Variants in LOC128462377 observed in about 807,000 individuals in gnomAD.
the LOC128462377 span, among the ~76,000 whole-genome samples, chr16:89,364,706 T>A: frequency 3.3e-5 from 5 of 152,200 alleles, no homozygotes; most frequent in Middle Eastern, 3.2e-3. Flanking sequence ...TGGGCCACAT[T>A]CAAAGCTGCC....
the LOC128462377 span, among the ~76,000 whole-genome samples, chr16:89,351,974 G>A: frequency 7.9e-5 from 12 of 152,274 alleles, no homozygotes; most frequent in South Asian, 4.1e-4. Flanking sequence ...GCAGTGGTGC[G>A]ATCGTGGCTC....
At chr16:89,398,350 A>G in the LOC128462377 span, among the ~76,000 whole-genome samples, 3 of 88,822 alleles carry the variant, frequency 3.4e-5, no homozygotes, top group African/African-American at 1.2e-4. Flanking sequence ...TGACCTCAGC[A>G]CTCTAGGAGG....
the LOC128462377 span, chr16:89,403,787 G>A: frequency 1.3e-5 from 2 of 152,302 alleles, no homozygotes; most frequent in South Asian, 2.1e-4. Context: ...AAAAAAATTA[G>A]GCGGGTGTGG....
chr16:89,376,888 T>C, the LOC128462377 span, among the ~76,000 whole-genome samples: 1 of 152,204 alleles, frequency 6.6e-6, no homozygotes, highest in Admixed American at 6.5e-5. Context: ...GCAAATGCAG[T>C]AGGGTTTATG....
chr16:89,375,007 A>G, the LOC128462377 span, among the ~76,000 whole-genome samples: 5 of 152,166 alleles, frequency 3.3e-5, no homozygotes, highest in South Asian at 6.2e-4. Context: ...CATAAACTAT[A>G]CACAGATTAT....
At chr16:89,332,233 T>C in the LOC128462377 span, among the ~76,000 whole-genome samples, 1 of 152,228 alleles carries the variant, frequency 6.6e-6, no homozygotes, top group Admixed American at 6.5e-5. Context: ...TAAAGGATCA[T>C]TTTACAAGCA....
the LOC128462377 span, among the ~76,000 whole-genome samples, chr16:89,328,694 G>A: frequency 1.4e-5 from 2 of 147,328 alleles, no homozygotes; most frequent in African/African-American, 2.5e-5. Context: ...CCAGGAGCAC[G>A]GGCGAAATCA....
At chr16:89,351,247 AT>A in the LOC128462377 span, among the ~76,000 whole-genome samples, 2 of 152,168 alleles carry the variant, frequency 1.3e-5, no homozygotes, top group Non-Finnish European at 2.9e-5. Context: ...AAAGAATGAA[AT>A]TGAATGCCCA....
At chr16:89,333,310 G>A in the LOC128462377 span, among the ~76,000 whole-genome samples, 28 of 152,304 alleles carry the variant, frequency 1.8e-4, no homozygotes, top group Admixed American at 9.1e-4. Context: ...CTGCACCCCC[G>A]GGCTCAGCAT....
chr16:89,334,172 A>AAAAAAAG, the LOC128462377 span, among the ~76,000 whole-genome samples: 1 of 148,974 alleles, frequency 6.7e-6, no homozygotes, highest in African/African-American at 2.5e-5. Flanking sequence ...AAAAAAAAAA[A>AAAAAAAG]ACAGAGAGAG....
chr16:89,329,557 T>G, the LOC128462377 span, among the ~76,000 whole-genome samples: 2 of 152,076 alleles, frequency 1.3e-5, no homozygotes, highest in African/African-American at 2.4e-5. Flanking sequence ...CAATTGTAAT[T>G]CAATAAAGCT....
the LOC128462377 span, among the ~76,000 whole-genome samples, chr16:89,338,829 A>C: frequency 1.3e-5 from 2 of 152,134 alleles, no homozygotes; most frequent in Non-Finnish European, 2.9e-5. Flanking sequence ...CAGCCAGGCA[A>C]AACAATCATT....
the LOC128462377 span, among the ~76,000 whole-genome samples, chr16:89,365,155 T>G: frequency 1.3e-5 from 2 of 152,214 alleles, no homozygotes; most frequent in Admixed American, 1.3e-4. Flanking sequence ...ACTAGATGAT[T>G]AACTCAATTC....
At chr16:89,373,050 CT>C in the LOC128462377 span, 2 of 152,286 alleles carry the variant, frequency 1.3e-5, no homozygotes, top group African/African-American at 4.8e-5. Flanking sequence ...GTCACCGTTC[CT>C]CTGTCCCCAT....
At chr16:89,341,885 G>A in the LOC128462377 span, among the ~76,000 whole-genome samples, 7 of 143,416 alleles carry the variant, frequency 4.9e-5, no homozygotes, top group South Asian at 1.6e-3. Flanking sequence ...CCCACGGCAG[G>A]AGTGCTGCAC....
At chr16:89,323,032 C>T in the LOC128462377 span, 701 of 307,244 alleles carry the variant, frequency 2.3e-3, 6 homozygotes, top group African/African-American at 0.015. Flanking sequence ...TCTGTGGAGT[C>T]GGGTTTCGCC....
chr16:89,371,258 A>T, the LOC128462377 span, among the ~76,000 whole-genome samples: 1 of 152,232 alleles, frequency 6.6e-6, no homozygotes, highest in African/African-American at 2.4e-5. Context: ...ACCTACACAG[A>T]GAGGCAGGTT....
chr16:89,409,155 T>A, the LOC128462377 span, among the ~76,000 whole-genome samples: 1 of 152,162 alleles, frequency 6.6e-6, no homozygotes, highest in Non-Finnish European at 1.5e-5. Flanking sequence ...AAAACAGATT[T>A]TTTAGGTGAA....
chr16:89,377,150 C>T, the LOC128462377 span, among the ~76,000 whole-genome samples: 2 of 152,174 alleles, frequency 1.3e-5, no homozygotes, highest in Non-Finnish European at 2.9e-5. Context: ...ACAGCAGAGG[C>T]GTCAACGTGG....
Sources: allele counts gnomAD v4.1 joint callset (sites outside exome capture counted in the v4.1 genomes callset), GRCh38; gene constraint gnomAD v4.1.1; transcripts MANE v1.5.